Variants in PLA2G4D observed in about 807,000 individuals in gnomAD.
The protein encoded by PLA2G4D is phospholipase A2 group IVD.
PLA2G4D carries 80 observed loss-of-function variants against 94.4 expected under a neutral mutation model. The observed-to-expected ratio is 0.85, with a 90% CI of 0.71 to 1.02. PLA2G4D has a LOEUF of 1.02. Ranked by LOEUF, PLA2G4D falls within the 50% of genes least tolerant of loss-of-function variation. The pLI, the probability that PLA2G4D is intolerant of heterozygous loss-of-function variation, is 0.00. For synonymous variants in PLA2G4D, 438 were observed against 440.9 expected (o/e 0.99, Z 0.08); for missense variants, 1,050 against 1,034.7 (o/e 1.01, Z -0.20).
chr15:42,084,040 C>A lies in PLA2G4D; in HGVS notation c.472-261G>T, dbSNP rs982662590. The A allele has an allele frequency of 8.1e-6, 4 of 495,938 alleles. No homozygotes were observed. The highest frequency in any genetic ancestry group is 7.7e-5 in the African/African-American group (4 of 51,852). The allele number at this position is 495,938 out of a possible 1,614,324, so 30.7% of individuals were successfully genotyped here. A position where few individuals can be genotyped will look rare whatever the true frequency, so the allele number is the denominator to read the frequency against. ...CCTGGCTTTGCCAAACTCCCGAAAC[C>A]TCCTAGAGCGCCCAGCCCTCAGACA... On this transcript the variant is annotated intron_variant, in intron 6 of 19. Transcript: ENST00000290472. The surrounding 1 kb of genome is among the most constrained non-coding windows in gnomAD (Gnocchi z 4.8).
At chr15:42,070,637 A>C in intron 18 of PLA2G4D, 80 bp downstream of exon 18, 1 of 1,446,426 alleles carries the variant, frequency 6.9e-7, no homozygotes, top group Non-Finnish European at 9.3e-7. Flanking sequence ...GGTGTGGGGC[A>C]GGGGCTCAGT....
At chr15:42,085,372 G>T in intron 5 of PLA2G4D, 119 bp downstream of exon 5, 2 of 1,238,466 alleles carry the variant, frequency 1.6e-6, no homozygotes, top group Non-Finnish European at 2.4e-6. Context: ...CGACCTCTCT[G>T]GCAGGGGTAG....
chr15:42,076,796 T>C (rs1055224492), intron 13 of PLA2G4D, among the ~76,000 whole-genome samples: 3 of 152,202 alleles, frequency 2.0e-5, no homozygotes, highest in Admixed American at 2.0e-4. Context: ...GGTTTGGCAA[T>C]ACCTAGGAAA....
rs771471716 is a variant in PLA2G4D at position 42,087,440 on chromosome 15, C to G, written c.119-4G>C. 2.5e-6 allele frequency: 4 copies of G among 1,614,026 alleles called. No homozygotes were observed. In the East Asian group the frequency reaches 6.7e-5, roughly 27 times the overall value. ...ACGTAAGGGTCGGCCTCACTCACTG[C>G]CAAGGTTAAGGAAGTCTTCGTGAGG... On this transcript the variant is annotated splice_region_variant and splice_polypyrimidine_tract_variant and intron_variant, in intron 2 of 19. Transcript: ENST00000290472.
In PLA2G4D at chr15:42,085,115, A is replaced by T; in HGVS notation, c.452T>A (p.Ile151Asn). The change falls in exon 6 of 20, where the codon ATC becomes AAC. Residue 151 changes from isoleucine (I) to asparagine (N), a missense_variant. Coordinates refer to ENST00000290472, the MANE Select transcript of PLA2G4D (RefSeq NM_178034.4). ...GCTTACCACAATGACTTTGTTGGTG[A>T]TGAGGTTTTCTGGGCGATCTGACCT... ...EETSDRPENLITNKVIVAREL... is the reference protein window; with the variant it reads ...EETSDRPENLNTNKVIVAREL... The T allele has an allele frequency of 6.2e-7, 1 of 1,614,126 alleles. No individual in the cohort carries two copies. Among genetic ancestry groups the T allele is most frequent in the Non-Finnish European group, 8.5e-7 (1 of 1,180,018 alleles).
At chr15:42,079,047 C>T (rs1293695446) in intron 13 of PLA2G4D, among the ~76,000 whole-genome samples, 3 of 152,108 alleles carry the variant, frequency 2.0e-5, no homozygotes, top group Non-Finnish European at 4.4e-5. Context: ...CAGAACAGCT[C>T]TATGACTTAA....
rs1457737983 is a variant in PLA2G4D, at chr15:42,080,957, C to T, written c.1094+40G>A. On this transcript the variant is annotated intron_variant, in intron 12 of 19. Transcript: ENST00000290472. ...GGTGCCCACTCTGCCCCGCTATGGC[C>T]CCTGATTGTCTCTGCCACCCAGTCC... 5 of 1,604,416 alleles carry T rather than the reference C, an allele frequency of 3.1e-6. No homozygotes were observed. In the East Asian group the frequency reaches 6.7e-5, roughly 22 times the overall value.
At chr15:42,086,154 C>G (rs1479604240) in intron 4 of PLA2G4D, 59 bp downstream of exon 4, 3 of 1,503,920 alleles carry the variant, frequency 2.0e-6, no homozygotes, top group Non-Finnish European at 2.7e-6. Context: ...ATAGCTACTT[C>G]CTCAGCTTGG....
intron 5 of PLA2G4D, 124 bp downstream of exon 5, chr15:42,085,365 CCT>C: frequency 8.3e-7 from 1 of 1,198,244 alleles, no homozygotes; most frequent in Non-Finnish European, 1.2e-6. Flanking sequence ...CCACTCCCGA[CCT>C]CTCTGGCAGG....
At chr15:42,080,354 C>T (rs980373016) in intron 12 of PLA2G4D, among the ~76,000 whole-genome samples, 2 of 152,168 alleles carry the variant, frequency 1.3e-5, no homozygotes, top group African/African-American at 4.8e-5. Context: ...AGTCGCATTT[C>T]AATAAGACTC....
intron 2 of PLA2G4D, 26 bp downstream of exon 2, chr15:42,087,602 A>T (rs777378526): frequency 1.9e-6 from 3 of 1,613,718 alleles, no homozygotes; most frequent in Non-Finnish European, 2.5e-6. Flanking sequence ...CCTGCTCCCG[A>T]CAGAGCGCAC....
Position 42,070,871 on chromosome 15 carries a change from T to C in PLA2G4D, c.1889A>G (p.Asp630Gly), listed in dbSNP as rs1370617391. The change falls in exon 18 of 20, where the codon GAC (aspartate) becomes GGC (glycine). Residue 630 changes from aspartate (D) to glycine (G), a missense_variant. Physicochemically the swap from Asp to Gly is moderately conservative, Grantham distance 94. Transcript: ENST00000290472. ...DFSTWADYQL[D>G]SMPSQLTPKE... is the part of the protein sequence containing the mutation. ...GGGGGTCAGCTGGCTGGGCATGGAG[T>C]CAAGCTGGTAGTCTGGTGGGAATCG... 1 of 1,610,424 alleles carries C rather than the reference T, an allele frequency of 6.2e-7. No homozygotes were observed. Among genetic ancestry groups the C allele is most frequent in the Non-Finnish European group, 8.5e-7 (1 of 1,178,740 alleles).
chr15:42,091,756 GC>G (rs1890249079), intron 1 of PLA2G4D, among the ~76,000 whole-genome samples: 1 of 152,186 alleles, frequency 6.6e-6, no homozygotes, highest in African/African-American at 2.4e-5. Flanking sequence ...ACCTGGCTCT[GC>G]CTTCTAGATA....
In PLA2G4D at chr15:42,071,457, C is replaced by A; in HGVS notation, c.1668G>T (p.Lys556Asn). ...GESWKQHIKDKTRSLEKEPLT... is the reference protein window; with the variant it reads ...GESWKQHIKDNTRSLEKEPLT... Reference sequence around the variant, plus strand: ...TGCCCTTCCCACCTAAGCTCCTGGTCTTGTCCTTGATGTGCTGTTTCCAGG... The same window carrying A: ...TGCCCTTCCCACCTAAGCTCCTGGTATTGTCCTTGATGTGCTGTTTCCAGG... Residue 556 changes from lysine (K) to asparagine (N), a missense_variant, in exon 16 of 20, where the codon AAG (lysine) becomes AAT (asparagine). Physicochemically the swap from Lys to Asn is moderately conservative, Grantham distance 94. Transcript: ENST00000290472. 2 of 1,613,038 alleles carry A rather than the reference C, an allele frequency of 1.2e-6. No homozygotes were observed. Among genetic ancestry groups the A allele is most frequent in the South Asian group, 1.1e-5 (1 of 90,960 alleles).
In PLA2G4D at chr15:42,070,879, G is replaced by A; in HGVS notation, c.1881C>T (p.Tyr627=). 2 of 1,611,356 alleles carry A rather than the reference G, an allele frequency of 1.2e-6. No individual in the cohort carries two copies. The highest frequency in any genetic ancestry group is 1.7e-6 in the Non-Finnish European group (2 of 1,178,976). Residue 627 remains tyrosine (Y), a synonymous_variant, in exon 18 of 20, where the codon TAC becomes TAT. Coordinates refer to ENST00000290472, the MANE Select transcript of PLA2G4D (RefSeq NM_178034.4). ...SHKDFSTWAD[Y]QLDSMPSQLT... ...GCTGGCTGGGCATGGAGTCAAGCTGGTAGTCTGGTGGGAATCGCAGGATGG... is the reference window on the plus strand; with the variant it reads ...GCTGGCTGGGCATGGAGTCAAGCTGATAGTCTGGTGGGAATCGCAGGATGG...
At chr15:42,075,239 T>C (rs1330168377) in intron 13 of PLA2G4D, among the ~76,000 whole-genome samples, 2 of 152,240 alleles carry the variant, frequency 1.3e-5, no homozygotes, top group East Asian at 3.8e-4. Flanking sequence ...AGCTTGCACA[T>C]AAAACCGTGC....
intron 13 of PLA2G4D, among the ~76,000 whole-genome samples, chr15:42,073,596 G>C (rs1889867476): frequency 6.6e-6 from 1 of 152,180 alleles, no homozygotes; most frequent in Non-Finnish European, 1.5e-5. Flanking sequence ...AGAGTGTCTA[G>C]TTCTAGAGGC....
chr15:42,089,723 C>T (rs1417884435), intron 1 of PLA2G4D, among the ~76,000 whole-genome samples: 2 of 152,172 alleles, frequency 1.3e-5, no homozygotes, highest in East Asian at 1.9e-4. Flanking sequence ...CAAGACAAGA[C>T]AGGTGAAGGG....
chr15:42,092,541 G>C (rs1890262551), intron 1 of PLA2G4D, among the ~76,000 whole-genome samples: 1 of 152,124 alleles, frequency 6.6e-6, no homozygotes, highest in African/African-American at 2.4e-5. Flanking sequence ...AGGGCATAGG[G>C]GCGTCACATT....
Sources: allele counts gnomAD v4.1 joint callset (sites outside exome capture counted in the v4.1 genomes callset), GRCh38; gene constraint gnomAD v4.1.1; non-coding constraint Gnocchi (gnomAD v3.1); transcripts MANE v1.5; gene names NCBI Gene and HGNC (gene_info 2026-07-23, HGNC 2026-07-21).